The following AGBL3 variants were observed in gnomAD, a reference collection of about 807,000 sequenced individuals.
The protein encoded by AGBL3 is AGBL carboxypeptidase 3.
A neutral mutation model predicts 94.5 loss-of-function variants in AGBL3; 68 were observed. The ratio of observed to expected loss-of-function variants is 0.72; its 90% confidence interval spans 0.59 to 0.88. AGBL3 has a LOEUF of 0.88. Ranked by LOEUF, AGBL3 falls within the 40% of genes least tolerant of loss-of-function variation. The pLI, the probability that AGBL3 is intolerant of heterozygous loss-of-function variation, is 0.00. For synonymous variants in AGBL3, 354 were observed against 370.7 expected, an observed-to-expected ratio of 0.95 and a Z score of 0.52; for missense variants, 934 against 1,103.8, an observed-to-expected ratio of 0.85 and a Z score of 2.18.
chr7:135,050,101 AT>A (rs1817737493), intron 11 of AGBL3, among the ~76,000 whole-genome samples: 1 of 151,556 alleles, frequency 6.6e-6, no homozygotes, highest in Admixed American at 6.6e-5. Flanking sequence ...TTATGTTTTC[AT>A]TTTTGTCTCA....
intron 4 of AGBL3, among the ~76,000 whole-genome samples, chr7:135,016,807 G>A (rs568174467): frequency 6.6e-6 from 1 of 152,180 alleles, no homozygotes. Context: ...AATCAGTAAC[G>A]AGCAAAAAGC....
chr7:135,074,036 T>C (rs1820224202), intron 12 of AGBL3, among the ~76,000 whole-genome samples: 1 of 52,360 alleles, frequency 1.9e-5, no homozygotes, highest in Non-Finnish European at 4.3e-5. Context: ...TTGTATTGTA[T>C]ACTTGAAATT....
chr7:135,102,724 TA>T (rs1009819977), intron 15 of AGBL3, among the ~76,000 whole-genome samples: 2 of 151,674 alleles, frequency 1.3e-5, no homozygotes, highest in African/African-American at 4.8e-5. Flanking sequence ...AATATTCATA[TA>T]AAAATTAACC....
At chr7:135,120,366 T>G (rs1206035990) in intron 16 of AGBL3, among the ~76,000 whole-genome samples, 2 of 152,172 alleles carry the variant, frequency 1.3e-5, no homozygotes, top group Admixed American at 6.5e-5. Context: ...GGTTTGTACT[T>G]CACTCAAATT....
At chr7:135,039,673 T>TCCAA (rs1451699259) in intron 8 of AGBL3, among the ~76,000 whole-genome samples, 12 of 152,110 alleles carry the variant, frequency 7.9e-5, no homozygotes, top group South Asian at 6.2e-4. Flanking sequence ...AAGCAGAGGT[T>TCCAA]GCAGGGAGCC....
chr7:135,128,452 G>C (rs1828261832), intron 16 of AGBL3: 1 of 728,286 alleles, frequency 1.4e-6, no homozygotes, highest in Admixed American at 1.9e-5. Context: ...AATGTCAGAA[G>C]ACCAAGAAGC....
intron 11 of AGBL3, among the ~76,000 whole-genome samples, chr7:135,055,468 C>T (rs1738050681): frequency 6.6e-6 from 1 of 152,072 alleles, no homozygotes; most frequent in African/African-American, 2.4e-5. Flanking sequence ...GAGTTTTTGT[C>T]ATGAATATGT....
chr7:135,010,712 T>G (rs1813037577), intron 4 of AGBL3: 1 of 152,208 alleles, frequency 6.6e-6, no homozygotes, highest in Non-Finnish European at 1.5e-5. Context: ...GCAACTTTTC[T>G]GTATGTTTTC....
intron 16 of AGBL3, among the ~76,000 whole-genome samples, chr7:135,121,860 C>T (rs1827178122): frequency 6.6e-6 from 1 of 152,166 alleles, no homozygotes; most frequent in Non-Finnish European, 1.5e-5. Context: ...AGTGTGCTAC[C>T]CAGCCGGGGA....
intron 1 of AGBL3, 63 bp downstream of exon 1, chr7:134,986,764 C>T (rs1414611566): frequency 6.6e-6 from 1 of 152,366 alleles, no homozygotes; most frequent in Non-Finnish European, 1.5e-5. Context: ...AAATGAGCGC[C>T]TCCCCACACC....
At chr7:135,007,148 T>A (rs1304542369) in intron 4 of AGBL3, among the ~76,000 whole-genome samples, 1 of 151,626 alleles carries the variant, frequency 6.6e-6, no homozygotes, top group Non-Finnish European at 1.5e-5. Flanking sequence ...CTTCAAAAAC[T>A]CTTCCAATAA....
intron 12 of AGBL3, among the ~76,000 whole-genome samples, chr7:135,060,840 A>C (rs758257743): frequency 1.3e-5 from 2 of 152,180 alleles, no homozygotes; most frequent in Admixed American, 6.5e-5. Context: ...GCTATTGTGA[A>C]TAGTGCTGCA....
intron 15 of AGBL3, among the ~76,000 whole-genome samples, chr7:135,103,339 C>G (rs537050347): frequency 6.6e-6 from 1 of 152,010 alleles, no homozygotes; most frequent in Non-Finnish European, 1.5e-5. Context: ...TCTCTATATT[C>G]GGGAATATAG....
chr7:135,044,415 T>C (rs1456115207), intron 9 of AGBL3, among the ~76,000 whole-genome samples: 1 of 152,172 alleles, frequency 6.6e-6, no homozygotes, highest in African/African-American at 2.4e-5. Context: ...TAAATGCTTG[T>C]TGTTTTTAAG....
intron 4 of AGBL3, chr7:135,011,131 C>T (rs2133461050): frequency 6.6e-6 from 1 of 152,178 alleles, no homozygotes; most frequent in South Asian, 2.1e-4. Flanking sequence ...CAGACCTATG[C>T]ATATATGGTC....
chr7:135,088,072 C>G (rs1289678888), intron 15 of AGBL3, among the ~76,000 whole-genome samples: 1 of 151,982 alleles, frequency 6.6e-6, no homozygotes, highest in East Asian at 1.9e-4. Context: ...TTATAACCTT[C>G]TTTGTCTCTT....
At chr7:135,129,648 G>A (rs1321501968) in intron 16 of AGBL3, 2 of 781,180 alleles carry the variant, frequency 2.6e-6, no homozygotes, top group Non-Finnish European at 4.7e-6. Context: ...GTTTTATGCT[G>A]TGGATGTTGA....
intron 4 of AGBL3, among the ~76,000 whole-genome samples, chr7:135,008,469 C>T (rs1346883516): frequency 1.3e-5 from 2 of 151,982 alleles, no homozygotes; most frequent in African/African-American, 4.8e-5. Context: ...TACCTCACAC[C>T]ATATACAAAA....
At chr7:135,037,282 T>C in intron 7 of AGBL3, 136 bp from the exon 8 acceptor site, 2 of 578,350 alleles carry the variant, frequency 3.5e-6, no homozygotes, top group Non-Finnish European at 5.4e-6. Flanking sequence ...ATATTAATAA[T>C]ATGCAATATA....
Sources: gnomAD v4.1 joint callset for allele counts (sites outside exome capture counted in the v4.1 genomes callset) on GRCh38, gnomAD v4.1.1 for gene constraint, MANE v1.5 for transcripts, NCBI Gene and HGNC (gene_info 2026-07-23, HGNC 2026-07-21) for gene names.